PAQR3: variants seen among roughly 807,000 people sequenced by gnomAD.
The protein encoded by PAQR3 is progestin and adipoQ receptor family member 3.
In PAQR3, 39 loss-of-function variants were observed where a neutral mutation model predicts 41.7. That is an observed-to-expected ratio of 0.93 (90% CI 0.72 to 1.22). PAQR3 has a LOEUF of 1.22. Among genes scored for constraint, PAQR3 ranks in the 50% most tolerant of loss-of-function variants. PAQR3 has a pLI of 0.00. For missense variants in PAQR3, 366 were observed against 385.6 expected, an observed-to-expected ratio of 0.95 and a Z score of 0.42; for synonymous variants, 140 against 140.6, an observed-to-expected ratio of 1.00 and a Z score of 0.03.
intron 1 of PAQR3, among the ~76,000 whole-genome samples, chr4:78,937,073 AC>A (rs1737505374): frequency 6.6e-6 from 1 of 152,138 alleles, no homozygotes; most frequent in Non-Finnish European, 1.5e-5. Flanking sequence ...CCTGAGAATG[AC>A]CCTATATGAA....
chr4:78,896,732 G>GT (rs1236901553), intron 11 of PAQR3, among the ~76,000 whole-genome samples: 2 of 152,236 alleles, frequency 1.3e-5, no homozygotes, highest in Admixed American at 6.5e-5. Flanking sequence ...TATTTAAACT[G>GT]TTTTTTATCA....
downstream of PAQR3, chr4:78,911,355 A>C (rs12649750): frequency 0.054 from 86,996 of 1,613,566 alleles, 3,630 homozygotes; most frequent in East Asian, 0.24. Flanking sequence ...GCTCCACTCC[A>C]TTTCAGCCCT....
At position 78,916,518 on chromosome 4, in the gene PAQR3, A is replaced by G. The variant is rs1642988290; in HGVS notation, c.*4021T>C. Reference sequence around the variant, plus strand: ...GAAAAGTTGCTAAGATTAGATCCCTATTCTTAAGGAGCTCAGAGTTTACAA... The same window carrying G: ...GAAAAGTTGCTAAGATTAGATCCCTGTTCTTAAGGAGCTCAGAGTTTACAA... On this transcript the variant is annotated 3_prime_UTR_variant, in exon 6 of 6. Coordinates refer to ENST00000512733, the MANE Select transcript of PAQR3 (RefSeq NM_001040202.2). The G allele has an allele frequency of 6.6e-6, 1 of 151,896 alleles. No homozygotes were observed. The highest frequency in any genetic ancestry group is 1.5e-5 in the Non-Finnish European group (1 of 67,848). The allele number at this position is 151,896 out of a possible 1,614,324, so 9.4% of individuals were successfully genotyped here.
rs1171254462 is a variant in PAQR3 at position 78,920,785 on chromosome 4, C to T, written c.794-104G>A. The T allele has an allele frequency of 2.4e-6, 3 of 1,272,468 alleles. No individual in the cohort carries two copies. In the African/African-American group the frequency reaches 4.6e-5, roughly 19 times the overall value. 78.8% of individuals were successfully genotyped at this position (1,272,468 alleles called of 1,614,324 possible). On this transcript the variant is annotated intron_variant, in intron 5 of 5. Coordinates refer to ENST00000512733, the MANE Select transcript of PAQR3 (RefSeq NM_001040202.2). The stretch of plus-strand genomic sequence containing the variant: ...AGCTTAGCAGAAAAATTTTCATAGT[C>T]TCAGAGTGCCTAGAGACTAACTGGA...
At chr4:78,907,415 T>C (rs541098943), downstream of PAQR3, among the ~76,000 whole-genome samples, 140 of 152,286 alleles carry the variant, frequency 9.2e-4, no homozygotes, top group African/African-American at 3.2e-3. Context: ...AGAAGGCGAA[T>C]TTAAATTCAC....
In PAQR3 at chr4:78,920,574, T is replaced by C. The variant is rs949436149; in HGVS notation, c.901A>G (p.Ser301Gly). 11 of 1,610,754 alleles carry C rather than the reference T, an allele frequency of 6.8e-6. No homozygotes were observed. The highest frequency in any genetic ancestry group is 9.3e-6 in the Non-Finnish European group (11 of 1,178,124). The change falls in exon 6 of 6, where the codon AGC (serine) becomes GGC (glycine). Residue 301 changes from serine (S) to glycine (G), a missense_variant. Transcript: ENST00000512733. Reference protein sequence around the residue: ...STVYVMQYRHSKPCPDYVSHL With the variant: ...STVYVMQYRHGKPCPDYVSHL The stretch of plus-strand genomic sequence containing the variant: ...GAAACATAGTCAGGACAAGGCTTGC[T>C]ATGTCTGTACTGCATGACATACACT...
At position 78,911,977 on chromosome 4, in the gene PAQR3, T is replaced by C. The variant is rs1481204316; in HGVS notation, c.*8562A>G. On this transcript the variant is annotated 3_prime_UTR_variant, in exon 6 of 6. Coordinates refer to ENST00000512733, the MANE Select transcript of PAQR3 (RefSeq NM_001040202.2). ...CATCACTCCACATCAGTCCCAACAG[T>C]CCCAACCAGTCGAATTAGACCCATT... 1 of 1,613,806 alleles carries C rather than the reference T, an allele frequency of 6.2e-7. No homozygotes were observed. The highest frequency in any genetic ancestry group is 1.3e-5 in the African/African-American group (1 of 74,934).
chr4:78,900,404 T>C (rs1362261815), intron 11 of PAQR3, among the ~76,000 whole-genome samples: 1 of 152,138 alleles, frequency 6.6e-6, no homozygotes, highest in African/African-American at 2.4e-5. Flanking sequence ...AAGGCTCAAC[T>C]GTATATAGAA....
chr4:78,894,520 A>T (rs531852645), intron 11 of PAQR3, among the ~76,000 whole-genome samples: 1 of 152,328 alleles, frequency 6.6e-6, no homozygotes, highest in South Asian at 2.1e-4. Flanking sequence ...CACTTCACTC[A>T]GCCTTCATAG....
rs1277236427 is a variant in PAQR3, at chr4:78,916,425, A to T, written c.*4114T>A. 1.3e-5 allele frequency: 2 copies of T among 151,898 alleles called. No individual in the cohort carries two copies. Among genetic ancestry groups the T allele is most frequent in the African/African-American group, 2.4e-5 (1 of 41,416 alleles). 9.4% of individuals were successfully genotyped at this position (151,898 alleles called of 1,614,324 possible). A position where few individuals can be genotyped will look rare whatever the true frequency, so the allele number is the denominator to read the frequency against. On this transcript the variant is annotated 3_prime_UTR_variant, in exon 6 of 6. Transcript: ENST00000512733. Reference sequence around the variant, plus strand: ...TTATGACTTTTGGATGTAAACTTCTATTCAAATTCAGTTATTTCATTCACA... The same window carrying T: ...TTATGACTTTTGGATGTAAACTTCTTTTCAAATTCAGTTATTTCATTCACA...
At chr4:78,900,123 A>T (rs1733917913) in intron 11 of PAQR3, among the ~76,000 whole-genome samples, 1 of 152,218 alleles carries the variant, frequency 6.6e-6, no homozygotes, top group South Asian at 2.1e-4. Context: ...TTTGCTCCTC[A>T]GCCTACTCAA....
Position 78,918,528 on chromosome 4 carries a change from G to A in PAQR3, c.*2011C>T. 4.1e-6 allele frequency: 4 copies of A among 969,316 alleles called. No homozygotes were observed. Among genetic ancestry groups the A allele is most frequent in the Non-Finnish European group, 4.9e-6 (4 of 815,034 alleles). 60.0% of individuals were successfully genotyped at this position (969,316 alleles called of 1,614,324 possible). Reference sequence around the variant, plus strand: ...ACAATATTTAACATTTTCATACAGAGTTGAAATGTTTACATGGAATAATTT... The same window carrying A: ...ACAATATTTAACATTTTCATACAGAATTGAAATGTTTACATGGAATAATTT... On this transcript the variant is annotated 3_prime_UTR_variant, in exon 6 of 6. Transcript: ENST00000512733.
intron 11 of PAQR3, among the ~76,000 whole-genome samples, chr4:78,890,917 G>T (rs1330437847): frequency 2.6e-5 from 4 of 152,276 alleles, no homozygotes; most frequent in Middle Eastern, 3.4e-3. Flanking sequence ...TGCCTAGGCT[G>T]GGTGGGGTGG....
downstream of PAQR3, chr4:78,911,325 C>T (rs1734585024): frequency 2.5e-6 from 4 of 1,613,874 alleles, no homozygotes; most frequent in Non-Finnish European, 2.5e-6. Context: ...CTGGTTATCC[C>T]AAAAGTGTAG....
chr4:78,928,600 T>C (rs1349875899), intron 3 of PAQR3, among the ~76,000 whole-genome samples: 5 of 152,204 alleles, frequency 3.3e-5, no homozygotes, highest in Non-Finnish European at 7.3e-5. Flanking sequence ...AATTCTACAC[T>C]GCGGCCGATC....
chr4:78,925,670 C>A (rs1736119652), intron 4 of PAQR3, among the ~76,000 whole-genome samples: 2 of 152,068 alleles, frequency 1.3e-5, no homozygotes, highest in South Asian at 2.1e-4. Context: ...GAATGAAACC[C>A]CCCTTTAAAG....
chr4:78,905,817 T>G (rs963359722), intron 11 of PAQR3, among the ~76,000 whole-genome samples: 2 of 152,020 alleles, frequency 1.3e-5, no homozygotes, highest in African/African-American at 4.8e-5. Flanking sequence ...CTGAAATTTT[T>G]TTTTTTAAAT....
In PAQR3 at chr4:78,919,897, T is replaced by C; in HGVS notation, c.*642A>G. ...TATCTGATAGAAAATGAGAAGTTCT[T>C]TTCCTCTTCTCAACCCTTCTCTCAA... On this transcript the variant is annotated 3_prime_UTR_variant, in exon 6 of 6. Coordinates refer to ENST00000512733, the MANE Select transcript of PAQR3 (RefSeq NM_001040202.2). 2.0e-6 allele frequency: 2 copies of C among 985,384 alleles called. No individual in the cohort carries two copies. The highest frequency in any genetic ancestry group is 4.7e-5 in the South Asian group (1 of 21,282). 61.0% of individuals were successfully genotyped at this position (985,384 alleles called of 1,614,324 possible).
intron 2 of PAQR3, among the ~76,000 whole-genome samples, chr4:78,932,724 GA>G (rs1258927135): frequency 6.6e-6 from 1 of 151,426 alleles, no homozygotes; most frequent in African/African-American, 2.4e-5. Flanking sequence ...ATAAAAAGAG[GA>G]AAAAAAGAAA....
Sources: gnomAD v4.1 joint callset for allele counts (sites outside exome capture counted in the v4.1 genomes callset) on GRCh38, gnomAD v4.1.1 for gene constraint, MANE v1.5 for transcripts, NCBI Gene and HGNC (gene_info 2026-07-23, HGNC 2026-07-21) for gene names.